Variants in CCDC125 observed in about 807,000 individuals in gnomAD.
CCDC125 encodes the protein coiled-coil domain containing 125.
Under a neutral mutation model 57.4 loss-of-function variants are expected in CCDC125, and 43 were observed. The observed-to-expected ratio is 0.75, with a 90% confidence interval of 0.59 to 0.97. CCDC125 has a LOEUF of 0.97. CCDC125 is among the 50% of genes least tolerant of loss of function. The pLI is 0.00. For missense variants in CCDC125, 563 were observed against 595.7 expected, an observed-to-expected ratio of 0.95 and a Z score of 0.57; for synonymous variants, 187 against 195.2, an observed-to-expected ratio of 0.96 and a Z score of 0.35.
At chr5:69,277,807 T>C (rs1198141473), downstream of CCDC125, among the ~76,000 whole-genome samples, 2 of 151,394 alleles carry the variant, frequency 1.3e-5, no homozygotes, top group African/African-American at 4.9e-5. Context: ...TAGTAAATAC[T>C]ACCCAAACTT....
At chr5:69,295,910 G>A (rs1487870936) in intron 8 of CCDC125, among the ~76,000 whole-genome samples, 8 of 145,762 alleles carry the variant, frequency 5.5e-5, no homozygotes, top group Non-Finnish European at 3.0e-5. Flanking sequence ...TTGAGATGGA[G>A]TCTCGCTCTG....
intron 1 of CCDC125, among the ~76,000 whole-genome samples, chr5:69,328,674 C>G: frequency 6.6e-6 from 1 of 152,034 alleles, no homozygotes; most frequent in South Asian, 2.1e-4. Context: ...TTCCATATAC[C>G]ATTTTTATAA....
At chr5:69,274,071 C>T in the CCDC125 span, among the ~76,000 whole-genome samples, 1 of 152,078 alleles carries the variant, frequency 6.6e-6, no homozygotes, top group African/African-American at 2.4e-5. Flanking sequence ...TTCACTCATA[C>T]TTCTATGTAT....
chr5:69,294,766 G>T, intron 9 of CCDC125, 27 bp downstream of exon 9: 1 of 1,506,434 alleles, frequency 6.6e-7, no homozygotes, highest in Non-Finnish European at 9.2e-7. Flanking sequence ...CAAAACTAAA[G>T]CTTTTGCTGT....
chr5:69,331,280 T>G (rs967497822), intron 1 of CCDC125, among the ~76,000 whole-genome samples: 14 of 152,046 alleles, frequency 9.2e-5, no homozygotes, highest in Non-Finnish European at 1.8e-4. Context: ...TCACCCACGC[T>G]GGAGTGCAAT....
At chr5:69,318,056 A>G (rs1759414483) in intron 2 of CCDC125, among the ~76,000 whole-genome samples, 1 of 136,196 alleles carries the variant, frequency 7.3e-6, no homozygotes, top group African/African-American at 2.8e-5. Context: ...ATCTCGGCTC[A>G]CTGCAACTTC....
chr5:69,277,645 C>T (rs1027919060), downstream of CCDC125, among the ~76,000 whole-genome samples: 3 of 151,932 alleles, frequency 2.0e-5, no homozygotes, highest in East Asian at 1.9e-4. Context: ...TGGTGGGCGC[C>T]TGTAGTCCCA....
intron 7 of CCDC125, among the ~76,000 whole-genome samples, chr5:69,301,748 A>G (rs1435159912): frequency 1.3e-5 from 2 of 149,936 alleles, no homozygotes; most frequent in African/African-American, 4.9e-5. Flanking sequence ...AAAAAAAAAG[A>G]AATCTGGGCA....
Position 69,282,974 on chromosome 5 carries a change from C to T in CCDC125, c.1291G>A (p.Ala431Thr), listed in dbSNP as rs777620370. ...GAAGCAGTGTCTTTGTCTTCCAATG[C>T]CCGAGCAAGCATGTAGCTAACTTTT... is the stretch of plus-strand genomic sequence containing the variant. ...QRKVSYMLAR[A>T]LEDKDTASNE... The change falls in exon 12 of 12, where the codon GCA (alanine) becomes ACA (threonine). Residue 431 changes from alanine (A) to threonine (T), a missense_variant. By Grantham distance (58) the Ala-to-Thr change is moderately conservative. Transcript: ENST00000396496. 5.3e-5 allele frequency: 85 copies of T among 1,612,462 alleles called. No homozygotes were observed. Among genetic ancestry groups the T allele is most frequent in the Non-Finnish European group, 7.0e-5 (82 of 1,179,644 alleles).
At chr5:69,285,510 C>G in intron 10 of CCDC125, 43 bp from the exon 11 acceptor site, 1 of 1,567,100 alleles carries the variant, frequency 6.4e-7, no homozygotes, top group Non-Finnish European at 8.6e-7. Context: ...TTAAAATATC[C>G]TCACTGATAT....
intron 10 of CCDC125, among the ~76,000 whole-genome samples, chr5:69,289,412 G>A (rs1754034530): frequency 1.3e-5 from 2 of 152,170 alleles, no homozygotes; most frequent in Non-Finnish European, 2.9e-5. Context: ...GTTTTCCACT[G>A]GTTCCTAAAA....
chr5:69,320,672 G>C (rs545107806), intron 1 of CCDC125, 92 bp from the exon 2 acceptor site: 7 of 633,464 alleles, frequency 1.1e-5, no homozygotes, highest in African/African-American at 1.1e-4. Context: ...AAATCAGTAT[G>C]TCAAAGAGAT....
At chr5:69,288,844 T>C (rs1481388016) in intron 10 of CCDC125, among the ~76,000 whole-genome samples, 1 of 152,180 alleles carries the variant, frequency 6.6e-6, no homozygotes, top group East Asian at 1.9e-4. Context: ...AATGATAGGA[T>C]ACCCAGCTGG....
At chr5:69,278,503 G>A (rs537074580), downstream of CCDC125, among the ~76,000 whole-genome samples, 5 of 151,766 alleles carry the variant, frequency 3.3e-5, no homozygotes, top group Admixed American at 6.6e-5. Context: ...GTGAGCCACC[G>A]CGCCCAGCCA....
At chr5:69,323,720 GA>G (rs1760387296) in intron 1 of CCDC125, 1 of 152,100 alleles carries the variant, frequency 6.6e-6, no homozygotes, top group Non-Finnish European at 1.5e-5. Flanking sequence ...CTTCCCAGCA[GA>G]AAACTTCTCC....
At chr5:69,293,460 G>C (rs1168761200) in intron 9 of CCDC125, among the ~76,000 whole-genome samples, 5 of 151,928 alleles carry the variant, frequency 3.3e-5, no homozygotes, top group Admixed American at 3.3e-4. Flanking sequence ...GACCAGCCTG[G>C]CCAACATAGT....
intron 1 of CCDC125, among the ~76,000 whole-genome samples, chr5:69,330,209 T>C (rs1761248375): frequency 6.6e-6 from 1 of 152,192 alleles, no homozygotes; most frequent in Non-Finnish European, 1.5e-5. Flanking sequence ...TTCTTTTTCC[T>C]GTCCCTTTTG....
chr5:69,321,834 GA>G (rs1266131889), intron 1 of CCDC125, among the ~76,000 whole-genome samples: 1 of 151,958 alleles, frequency 6.6e-6, no homozygotes, highest in Non-Finnish European at 1.5e-5. Flanking sequence ...TAACATTTCA[GA>G]ACTCTTTTTT....
chr5:69,323,521 AT>A (rs1040072859), intron 1 of CCDC125, among the ~76,000 whole-genome samples: 4 of 151,102 alleles, frequency 2.6e-5, no homozygotes, highest in Admixed American at 2.0e-4. Context: ...AACACTGTGG[AT>A]TTTTTTTTCC....
Sources: gnomAD v4.1 joint callset for allele counts (sites outside exome capture counted in the v4.1 genomes callset) on GRCh38, gnomAD v4.1.1 for gene constraint, MANE v1.5 for transcripts, NCBI Gene and HGNC (gene_info 2026-07-23, HGNC 2026-07-21) for gene names.